The following PCDH11Y variants were observed in gnomAD, a reference collection of about 807,000 sequenced individuals.
The protein encoded by PCDH11Y is protocadherin 11 Y-linked, also known as protocadherin-11 Y-linked.
For synonymous variants in PCDH11Y, 9 were observed against 83.6 expected, an observed-to-expected ratio of 0.11 and a Z score of 4.87; for missense variants, 12 against 224.8, an observed-to-expected ratio of 0.05 and a Z score of 6.05.
intron 4 of PCDH11Y, among the ~76,000 whole-genome samples, chrY:5,591,542 A>G (rs2053461790): frequency 3.5e-5 from 1 of 28,314 alleles, no homozygotes; most frequent in South Asian, 7.8e-4. Flanking sequence ...TTCAGCTCTG[A>G]TTTTGGTTAT....
intron 2 of PCDH11Y, among the ~76,000 whole-genome samples, chrY:5,346,626 A>G: frequency 3.1e-5 from 1 of 32,668 alleles, no homozygotes; most frequent in Non-Finnish European, 7.5e-5. Flanking sequence ...CTTCCCGAGT[A>G]GCTGGGATTA....
At chrY:5,047,505 C>T in intron 3 of PCDH11Y, among the ~76,000 whole-genome samples, 2 of 32,844 alleles carry the variant, frequency 6.1e-5, no homozygotes, top group African/African-American at 1.2e-4. Flanking sequence ...TCACATGTAG[C>T]AAGGTTATTT....
In PCDH11Y at chrY:5,029,022, T is replaced by G. The variant is rs367636724; in HGVS notation, c.-133-2884T>G. Among the ~76,000 whole-genome samples, 63 of 32,674 alleles carry G rather than the reference T, an allele frequency of 1.9e-3. No homozygotes were observed. In the East Asian group the frequency reaches 0.049, roughly 25 times the overall value. The allele number at this position is 32,674 out of a possible 37,273, so 87.7% of individuals were successfully genotyped here. A position where few individuals can be genotyped will look rare whatever the true frequency, so the allele number is the denominator to read the frequency against. On this transcript the variant is annotated intron_variant, in intron 1 of 5. Transcript: ENST00000333703. Reference sequence around the variant, plus strand: ...TTTATTAGAATCAGAAATTTCAGAATTTTAGAATCTATATGTTAGCAAACT... The same window carrying G: ...TTTATTAGAATCAGAAATTTCAGAAGTTTAGAATCTATATGTTAGCAAACT...
At chrY:5,331,625 C>T (rs2053131525) in intron 2 of PCDH11Y, among the ~76,000 whole-genome samples, 1 of 33,734 alleles carries the variant, frequency 3.0e-5, no homozygotes, top group Admixed American at 2.7e-4. Flanking sequence ...TTAAATCCAT[C>T]TATGATCTGG....
chrY:5,448,748 A>G (rs2124682463), intron 2 of PCDH11Y, among the ~76,000 whole-genome samples: 3 of 33,287 alleles, frequency 9.0e-5, no homozygotes, highest in Non-Finnish European at 2.2e-4. Flanking sequence ...AAGTACTCCC[A>G]AAAAGCAGAG....
At chrY:5,591,940 T>A (rs2053462732) in intron 4 of PCDH11Y, among the ~76,000 whole-genome samples, 1 of 32,809 alleles carries the variant, frequency 3.0e-5, no homozygotes, top group Non-Finnish European at 7.4e-5. Context: ...TGCTGAGGAG[T>A]GTTTTGTGTC....
intron 4 of PCDH11Y, among the ~76,000 whole-genome samples, chrY:5,691,748 T>C (rs2124710836): frequency 4.2e-4 from 13 of 31,324 alleles, no homozygotes; most frequent in African/African-American, 1.6e-3. Context: ...GAAAGGCAAT[T>C]TTTAAAAAAC....
At chrY:5,244,516 G>C in intron 2 of PCDH11Y, among the ~76,000 whole-genome samples, 1 of 33,572 alleles carries the variant, frequency 3.0e-5, no homozygotes, top group Non-Finnish European at 7.4e-5. Flanking sequence ...GCCCACCCAA[G>C]AGCCACATGA....
intron 4 of PCDH11Y, among the ~76,000 whole-genome samples, chrY:5,684,394 A>C (rs2124709908): frequency 2.1e-4 from 7 of 32,576 alleles, no homozygotes; most frequent in Admixed American, 1.9e-3. Flanking sequence ...CACAATAGAG[A>C]GTGCTTTGGA....
intron 1 of PCDH11Y, among the ~76,000 whole-genome samples, chrY:5,002,088 A>C: frequency 8.7e-5 from 3 of 34,332 alleles, no homozygotes; most frequent in Middle Eastern, 0.014. Context: ...GCTCAACAAC[A>C]AACAAAATAA....
At chrY:5,561,349 C>T in intron 3 of PCDH11Y, among the ~76,000 whole-genome samples, 1 of 29,180 alleles carries the variant, frequency 3.4e-5, no homozygotes, top group Non-Finnish European at 8.0e-5. Context: ...CTTTGGGAGA[C>T]TGTTGGGAAG....
At chrY:5,693,159 C>T in intron 4 of PCDH11Y, among the ~76,000 whole-genome samples, 2 of 32,082 alleles carry the variant, frequency 6.2e-5, no homozygotes, top group African/African-American at 1.2e-4. Context: ...TGGCTTTTCC[C>T]GCAGAATTGT....
intron 3 of PCDH11Y, among the ~76,000 whole-genome samples, chrY:5,530,447 A>AT (rs2053391688): frequency 6.1e-5 from 2 of 33,055 alleles, no homozygotes; most frequent in South Asian, 1.3e-3. Flanking sequence ...TTTCATGTAT[A>AT]TTTTTTTCAC....
intron 4 of PCDH11Y, among the ~76,000 whole-genome samples, chrY:5,637,058 T>C: frequency 3.0e-5 from 1 of 32,835 alleles, no homozygotes; most frequent in Admixed American, 2.8e-4. Context: ...GTTACTGTTT[T>C]CATATATCAA....
At chrY:5,177,199 A>T in intron 2 of PCDH11Y, among the ~76,000 whole-genome samples, 2 of 33,391 alleles carry the variant, frequency 6.0e-5, no homozygotes, top group Admixed American at 2.8e-4. Context: ...TCCTATAACT[A>T]TATTGGAAGG....
intron 4 of PCDH11Y, among the ~76,000 whole-genome samples, chrY:5,649,682 G>T: frequency 3.0e-5 from 1 of 33,107 alleles, no homozygotes; most frequent in African/African-American, 1.2e-4. Flanking sequence ...ATGGTTGTTT[G>T]CAATACTAAG....
intron 4 of PCDH11Y, among the ~76,000 whole-genome samples, chrY:5,661,495 A>T: frequency 3.0e-5 from 1 of 33,211 alleles, no homozygotes; most frequent in Non-Finnish European, 7.4e-5. Context: ...CTCATTAAAT[A>T]TCACTTTTGC....
chrY:5,158,186 A>G, intron 2 of PCDH11Y, among the ~76,000 whole-genome samples: 1 of 29,914 alleles, frequency 3.3e-5, no homozygotes, highest in Non-Finnish European at 8.1e-5. Context: ...TTAATTATTT[A>G]CCCAAAATGC....
chrY:5,665,756 A>G (rs2053544216), intron 4 of PCDH11Y, among the ~76,000 whole-genome samples: 1 of 33,738 alleles, frequency 3.0e-5, no homozygotes, highest in Non-Finnish European at 7.4e-5. Flanking sequence ...ATGTTAATGC[A>G]AGGAAAAAAA....
Sources: gnomAD v4.1 joint callset for allele counts (sites outside exome capture counted in the v4.1 genomes callset) on GRCh38, gnomAD v4.1.1 for gene constraint, MANE v1.5 for transcripts, NCBI Gene and HGNC (gene_info 2026-07-23, HGNC 2026-07-21) for gene names.